EPHA4: variants seen among roughly 807,000 people sequenced by gnomAD.
EPHA4 encodes the protein ephrin type-A receptor 4.
EPHA4 carries 19 observed loss-of-function variants against 108.3 expected under a neutral mutation model. The ratio of observed to expected loss-of-function variants is 0.18; its 90% CI spans 0.12 to 0.26. The LOEUF is 0.26. Ranked by LOEUF, EPHA4 falls within the 10% of genes least tolerant of loss-of-function variation. The pLI is 1.00. For synonymous variants in EPHA4, 449 were observed against 455.5 expected (o/e 0.99, Z 0.18); for missense variants, 917 against 1,254.0 (o/e 0.73, Z 4.06).
chr2:221,469,962 T>C (rs1249653139), intron 5 of EPHA4, among the ~76,000 whole-genome samples: 1 of 152,182 alleles, frequency 6.6e-6, no homozygotes, highest in Non-Finnish European at 1.5e-5. Flanking sequence ...TGAAGATAGA[T>C]GCTCTTTAGC....
At chr2:221,543,432 C>T (rs1366668401) in intron 3 of EPHA4, among the ~76,000 whole-genome samples, 1 of 152,174 alleles carries the variant, frequency 6.6e-6, no homozygotes, top group Non-Finnish European at 1.5e-5. Context: ...GTGTGGCTCT[C>T]ATTATGTGGT....
chr2:221,421,724 C>T (rs1277843145), intron 17 of EPHA4, among the ~76,000 whole-genome samples: 2 of 152,182 alleles, frequency 1.3e-5, no homozygotes, highest in African/African-American at 4.8e-5. Flanking sequence ...TTGGACTATG[C>T]CTCCCACCAC....
chr2:221,522,875 C>A (rs1001801556), intron 3 of EPHA4, among the ~76,000 whole-genome samples: 5 of 151,894 alleles, frequency 3.3e-5, no homozygotes, highest in African/African-American at 1.2e-4. Context: ...TCAAGTGATT[C>A]TTTTGCCTCA....
intron 10 of EPHA4, among the ~76,000 whole-genome samples, 182 bp from the exon 11 acceptor site, chr2:221,443,196 G>GA (rs1174420261): frequency 6.6e-6 from 1 of 152,034 alleles, no homozygotes; most frequent in Non-Finnish European, 1.5e-5. Context: ...CATTTTATTA[G>GA]AGAAAACTAA....
intron 10 of EPHA4, 70 bp from the exon 11 acceptor site, chr2:221,443,084 T>G: frequency 6.7e-7 from 1 of 1,483,554 alleles, no homozygotes. Context: ...CAGCTAACAT[T>G]CCTTGAGTGC....
rs62180569 is a variant in EPHA4 at position 221,441,303 on chromosome 2, G to T, written c.2074+1526C>A. Among the ~76,000 whole-genome samples the T allele has an allele frequency of 4.7e-3, 708 of 151,272 alleles. 6 individuals carry two copies. Among genetic ancestry groups the T allele is most frequent in the Non-Finnish European group, 7.3e-3 (494 of 67,828 alleles). ...GCAGTGGTACTATCGTAGCTCACTA[G>T]GAATGATATGGACAGGCGGCAGGGA... On this transcript the variant is annotated intron_variant, in intron 11 of 17. Transcript: ENST00000281821.
intron 3 of EPHA4, among the ~76,000 whole-genome samples, chr2:221,553,279 A>T (rs1233665124): frequency 6.6e-6 from 1 of 152,206 alleles, no homozygotes; most frequent in African/African-American, 2.4e-5. Context: ...GTTAGTTGCG[A>T]ACGGTTATTA....
At chr2:221,488,504 C>T (rs1390247672) in intron 4 of EPHA4, among the ~76,000 whole-genome samples, 1 of 152,180 alleles carries the variant, frequency 6.6e-6, no homozygotes, top group Non-Finnish European at 1.5e-5. Context: ...ATTATAGATA[C>T]ATTTAATGAA....
At chr2:221,429,314 C>T (rs1690003883) in intron 15 of EPHA4, among the ~76,000 whole-genome samples, 1 of 152,178 alleles carries the variant, frequency 6.6e-6, no homozygotes. Context: ...GACTGATATA[C>T]TTCTTCATTT....
At position 221,445,538 on chromosome 2, in the gene EPHA4, C is replaced by T. The variant is rs549055625; in HGVS notation, c.1774+585G>A. On this transcript the variant is annotated intron_variant, in intron 9 of 17. Coordinates refer to ENST00000281821, the MANE Select transcript of EPHA4 (RefSeq NM_004438.5). Reference sequence around the variant, plus strand: ...CAGGGAGGCGGAGCTTGCAGTGAGCCAAGATCATGCCAGTGCACTCCAGCC... The same window carrying T: ...CAGGGAGGCGGAGCTTGCAGTGAGCTAAGATCATGCCAGTGCACTCCAGCC... Among the ~76,000 whole-genome samples, 733 of 145,746 alleles carry T rather than the reference C, an allele frequency of 5.0e-3. 10 individuals carry two copies. Among genetic ancestry groups the T allele is most frequent in the African/African-American group, 0.017 (671 of 38,902 alleles).
rs142829167 is a variant in EPHA4, at chr2:221,482,320, A to G, written c.1318+32T>C. On this transcript the variant is annotated intron_variant, in intron 5 of 17. Transcript: ENST00000281821. ...TTAAGCCTTTTCTCTGTATACATTC[A>G]GATCATACAATAAAGTAGATTCAAT... 2.7e-4 allele frequency: 411 copies of G among 1,529,226 alleles called. No homozygotes were observed. The African/African-American group carries it at 4.7e-3, about 18-fold the overall frequency. The allele number at this position is 1,529,226 out of a possible 1,614,324, so 94.7% of individuals were successfully genotyped here.
chr2:221,435,743 C>T (rs1233218124), intron 13 of EPHA4, among the ~76,000 whole-genome samples: 4 of 152,110 alleles, frequency 2.6e-5, no homozygotes, highest in Admixed American at 6.5e-5. Context: ...TCCTAATCCC[C>T]GCTTATCTAC....
intron 3 of EPHA4, among the ~76,000 whole-genome samples, chr2:221,509,229 G>A (rs1692730849): frequency 6.6e-6 from 1 of 152,206 alleles, no homozygotes; most frequent in East Asian, 1.9e-4. Flanking sequence ...TCAGGAGGCT[G>A]AGGTAGGAGA....
chr2:221,553,432 T>C (rs1188088212), intron 3 of EPHA4, among the ~76,000 whole-genome samples: 1 of 152,224 alleles, frequency 6.6e-6, no homozygotes, highest in Non-Finnish European at 1.5e-5. Context: ...CTAACTGAGC[T>C]GAGTCTTAAC....
chr2:221,455,767 C>A, intron 7 of EPHA4, 109 bp from the exon 8 acceptor site: 1 of 739,850 alleles, frequency 1.4e-6, no homozygotes, highest in Non-Finnish European at 2.3e-6. Flanking sequence ...GAGAGAAAGA[C>A]ACTTGAACAT....
intron 3 of EPHA4, among the ~76,000 whole-genome samples, chr2:221,508,768 A>C (rs1574621939): frequency 6.6e-6 from 1 of 152,266 alleles, no homozygotes; most frequent in Middle Eastern, 3.4e-3. Flanking sequence ...AAAGAGATGA[A>C]GCTCTCACAC....
At chr2:221,443,662 A>G (rs1690501673) in intron 9 of EPHA4, 56 bp from the exon 10 acceptor site, 3 of 1,278,482 alleles carry the variant, frequency 2.3e-6, no homozygotes, top group Non-Finnish European at 3.4e-6. Flanking sequence ...ACTAATAAAC[A>G]TAAATAGTCT....
intron 5 of EPHA4, among the ~76,000 whole-genome samples, chr2:221,465,927 G>C (rs1166955631): frequency 1.3e-5 from 2 of 152,212 alleles, no homozygotes; most frequent in African/African-American, 4.8e-5. Context: ...ATAAACTGTA[G>C]AAGTACTGTG....
At chr2:221,548,424 GA>G (rs1398541176) in intron 3 of EPHA4, among the ~76,000 whole-genome samples, 1 of 151,992 alleles carries the variant, frequency 6.6e-6, no homozygotes, top group East Asian at 1.9e-4. Flanking sequence ...CTCACCATGT[GA>G]ATGCCTGTTC....
Sources: allele counts gnomAD v4.1 joint callset (sites outside exome capture counted in the v4.1 genomes callset), GRCh38; gene constraint gnomAD v4.1.1; transcripts MANE v1.5; gene names NCBI Gene and HGNC (gene_info 2026-07-23, HGNC 2026-07-21).